MKLN1: variants seen among roughly 807,000 people sequenced by gnomAD.
MKLN1 encodes muskelin.
In MKLN1, 18 loss-of-function variants were observed where a neutral mutation model predicts 99.0. That is an observed-to-expected ratio of 0.18 (90% CI 0.13 to 0.27). MKLN1 has a LOEUF of 0.27. Among genes scored for constraint, MKLN1 ranks in the 10% least tolerant of loss-of-function variants. The probability of loss-of-function intolerance (pLI) is 1.00; values close to 1 mark genes in which losing one functional copy is unlikely to be tolerated. For synonymous variants in MKLN1, 288 were observed against 293.2 expected (o/e 0.98, Z 0.18); for missense variants, 621 against 875.9 (o/e 0.71, Z 3.67).
intron 17 of MKLN1, among the ~76,000 whole-genome samples, chr7:131,486,993 A>G (rs912266277): frequency 1.3e-5 from 2 of 152,168 alleles, no homozygotes; most frequent in African/African-American, 4.8e-5. Context: ...ACATAGTAGC[A>G]TAAAGGTATA....
chr7:131,464,446 C>T, intron 14 of MKLN1, 38 bp downstream of exon 14: 1 of 1,234,366 alleles, frequency 8.1e-7, no homozygotes, highest in Non-Finnish European at 1.2e-6. Context: ...TTTCCATGGC[C>T]TACTATCTGA....
At chr7:131,443,071 A>G (rs955072349) in intron 10 of MKLN1, among the ~76,000 whole-genome samples, 3 of 152,214 alleles carry the variant, frequency 2.0e-5, no homozygotes, top group Admixed American at 6.5e-5. Flanking sequence ...TCTTATTTGC[A>G]TATCTGATCG....
chr7:131,256,168 A>G (rs970481002), intron 3 of MKLN1, among the ~76,000 whole-genome samples: 3 of 152,158 alleles, frequency 2.0e-5, no homozygotes, highest in Non-Finnish European at 4.4e-5. Context: ...GGCCTCCCAA[A>G]GTGCTGGGAT....
rs563153123 is a variant in MKLN1 at position 131,294,854 on chromosome 7, C to A, written c.-178-80570C>A. Among the ~76,000 whole-genome samples the A allele has an allele frequency of 2.0e-5, 3 of 152,284 alleles. No homozygotes were observed. In the South Asian group the frequency reaches 6.2e-4, roughly 32 times the overall value. ...GATTATTCCTTTCATGATAAGGCTGCTCTCACACTTGCTACATACAAAAAA... is the reference window on the plus strand; with the variant it reads ...GATTATTCCTTTCATGATAAGGCTGATCTCACACTTGCTACATACAAAAAA... On this transcript the variant is annotated intron_variant, in intron 3 of 7. Transcript: ENST00000416992.
intron 1 of MKLN1, among the ~76,000 whole-genome samples, chr7:131,110,542 A>G (rs1464177021): frequency 6.6e-6 from 1 of 152,122 alleles, no homozygotes; most frequent in Non-Finnish European, 1.5e-5. Flanking sequence ...AACCCACATC[A>G]TATTCCCAGA....
intron 2 of MKLN1, among the ~76,000 whole-genome samples, chr7:131,152,806 A>C (rs1584794485): frequency 6.6e-6 from 1 of 151,984 alleles, no homozygotes; most frequent in Admixed American, 6.6e-5. Flanking sequence ...AGATCCAAAT[A>C]AGGTTCATAC....
intron 3 of MKLN1, among the ~76,000 whole-genome samples, chr7:131,219,986 C>T (rs1004481687): frequency 6.6e-6 from 1 of 152,168 alleles, no homozygotes; most frequent in Non-Finnish European, 1.5e-5. Context: ...CACTGACATG[C>T]CGCACTGAGG....
At chr7:131,356,445 C>T (rs554485693) in intron 1 of MKLN1, among the ~76,000 whole-genome samples, 1 of 152,104 alleles carries the variant, frequency 6.6e-6, no homozygotes, top group Non-Finnish European at 1.5e-5. Flanking sequence ...CATTTCCCCC[C>T]CCAAGAGTCC....
intron 1 of MKLN1, among the ~76,000 whole-genome samples, chr7:131,120,032 G>T (rs772350528): frequency 1.3e-5 from 2 of 151,772 alleles, no homozygotes; most frequent in Non-Finnish European, 2.9e-5. Context: ...GCCAGGCCAC[G>T]TGTTGGCAGG....
chr7:131,466,599 A>C (rs913469482), intron 15 of MKLN1, among the ~76,000 whole-genome samples, 184 bp downstream of exon 15: 1 of 152,216 alleles, frequency 6.6e-6, no homozygotes, highest in Non-Finnish European at 1.5e-5. Context: ...TGATGCTAAA[A>C]ATTTATAAAT....
At chr7:131,115,667 C>T (rs1228030518) in intron 1 of MKLN1, among the ~76,000 whole-genome samples, 4 of 152,198 alleles carry the variant, frequency 2.6e-5, no homozygotes, top group East Asian at 1.9e-4. Context: ...CCTCTTCAAC[C>T]TCATCTCCCA....
chr7:131,116,681 TA>T lies in MKLN1; in HGVS notation c.-419+6484del, dbSNP rs58240456. Among the ~76,000 whole-genome samples the T allele has an allele frequency of 8.5e-4, 123 of 145,042 alleles. 1 individual carries two copies. The highest frequency in any genetic ancestry group is 2.5e-3 in the Admixed American group (36 of 14,496). ...AAATCAGAGTACTCCCACAAATCCATAAAAAAAAAACCTTTAAAACTCTGGA... is the reference window on the plus strand; with the variant it reads ...AAATCAGAGTACTCCCACAAATCCATAAAAAAAAACCTTTAAAACTCTGGA... On this transcript the variant is annotated intron_variant, in intron 1 of 7. Coordinates refer to the MKLN1 transcript ENST00000416992.
intron 11 of MKLN1, among the ~76,000 whole-genome samples, chr7:131,444,959 C>G (rs1584750584): frequency 1.3e-5 from 2 of 151,862 alleles, no homozygotes; most frequent in Non-Finnish European, 2.9e-5. Flanking sequence ...ATTTTTGTGT[C>G]TTTTAAGGTT....
At chr7:131,445,569 C>A (rs1648962680) in intron 11 of MKLN1, among the ~76,000 whole-genome samples, 1 of 152,064 alleles carries the variant, frequency 6.6e-6, no homozygotes, top group African/African-American at 2.4e-5. Flanking sequence ...CTGCACCTTG[C>A]TTTTCTTCTT....
At chr7:131,304,752 G>T (rs1394796103) in intron 3 of MKLN1, among the ~76,000 whole-genome samples, 1 of 152,160 alleles carries the variant, frequency 6.6e-6, no homozygotes, top group African/African-American at 2.4e-5. Flanking sequence ...CACATAGAGA[G>T]CTATGGATTT....
chr7:131,154,296 G>A (rs1050207622), intron 2 of MKLN1, among the ~76,000 whole-genome samples: 1 of 152,084 alleles, frequency 6.6e-6, no homozygotes, highest in Admixed American at 6.6e-5. Flanking sequence ...TGGCCAGGCT[G>A]GTCTCGAACT....
intron 12 of MKLN1, among the ~76,000 whole-genome samples, chr7:131,452,543 A>ATT (rs1796210820): frequency 2.1e-5 from 2 of 96,260 alleles, no homozygotes; most frequent in African/African-American, 4.1e-5. Flanking sequence ...ATCCTTTTAT[A>ATT]CTTTTTTTTT....
chr7:131,280,759 G>T (rs895871843), intron 3 of MKLN1, among the ~76,000 whole-genome samples: 1 of 151,136 alleles, frequency 6.6e-6, no homozygotes, highest in Non-Finnish European at 1.5e-5. Flanking sequence ...TGCAATTCTT[G>T]TGCCTCAGCC....
chr7:131,268,496 T>C (rs1797839969), intron 3 of MKLN1, among the ~76,000 whole-genome samples: 1 of 152,168 alleles, frequency 6.6e-6, no homozygotes, highest in South Asian at 2.1e-4. Context: ...GTGTGGAATG[T>C]GGTGATTTGA....
Sources: gnomAD v4.1 joint callset for allele counts (sites outside exome capture counted in the v4.1 genomes callset) on GRCh38, gnomAD v4.1.1 for gene constraint, MANE v1.5 for transcripts, NCBI Gene and HGNC (gene_info 2026-07-23, HGNC 2026-07-21) for gene names.